The following IL24 variants were observed in gnomAD, a reference collection of about 807,000 sequenced individuals.
IL24 encodes the protein interleukin 24.
IL24 carries 24 observed loss-of-function variants against 27.6 expected under a neutral mutation model. The observed-to-expected ratio is 0.87, with a 90% CI of 0.63 to 1.22. IL24 has a LOEUF of 1.22. Among genes scored for constraint, IL24 ranks in the 50% most tolerant of loss-of-function variants. The pLI is 0.00. For missense variants in IL24, 240 were observed against 237.0 expected (o/e 1.01, Z -0.08); for synonymous variants, 99 against 93.1 (o/e 1.06, Z -0.36).
In IL24 at chr1:206,899,333, C is replaced by A. The variant is rs1408958690; in HGVS notation, c.58C>A (p.Pro20Thr). 4 of 1,614,006 alleles carry A rather than the reference C, an allele frequency of 2.5e-6. No individual in the cohort carries two copies. Among genetic ancestry groups the A allele is most frequent in the Non-Finnish European group, 3.4e-6 (4 of 1,179,960 alleles). The part of the protein sequence containing the change: ...LWTLARPFCP[P>T]LLATASQMQM... Reference sequence around the variant, plus strand: ...TTCTTTCAGCAGACCCTTCTGCCCTCCTTTGCTGGCGACAGCCTCTCAAAT... The same window carrying A: ...TTCTTTCAGCAGACCCTTCTGCCCTACTTTGCTGGCGACAGCCTCTCAAAT... The change falls in exon 3 of 7, where the codon CCT becomes ACT. Residue 20 changes from proline (P) to threonine (T), a missense_variant. Transcript: ENST00000294984.
rs1215415458 is a variant in IL24, at chr1:206,900,319, G to A, written c.265G>A (p.Ala89Thr). 6.2e-7 allele frequency: 1 copy of A among 1,613,692 alleles called. No individual in the cohort carries two copies. Among genetic ancestry groups the A allele is most frequent in the Admixed American group, 1.7e-5 (1 of 59,978 alleles). Residue 89 changes from alanine (A) to threonine (T), a missense_variant, in exon 4 of 7, where the codon GCC becomes ACC. Coordinates refer to ENST00000294984, the MANE Select transcript of IL24 (RefSeq NM_006850.3). ...TMQAQDNITS[A>T]RLLQQEVLQN... Reference sequence around the variant, plus strand: ...GCAAGCTCAGGATAACATCACGAGTGCCCGGCTGCTGCAGCAGGAGGTTCT... The same window carrying A: ...GCAAGCTCAGGATAACATCACGAGTACCCGGCTGCTGCAGCAGGAGGTTCT...
At chr1:206,902,590 G>A in intron 6 of IL24, 1 of 984,288 alleles carries the variant, frequency 1.0e-6, no homozygotes, top group Non-Finnish European at 1.2e-6. Context: ...AGGAAGAGAT[G>A]CATCAGCTTT....
chr1:206,899,358 T>G lies in IL24; in HGVS notation c.83T>G (p.Met28Arg). The G allele has an allele frequency of 6.2e-7, 1 of 1,614,192 alleles. No individual in the cohort carries two copies. Among genetic ancestry groups the G allele is most frequent in the South Asian group, 1.1e-5 (1 of 91,082 alleles). The stretch of plus-strand genomic sequence containing the variant: ...CCTTTGCTGGCGACAGCCTCTCAAA[T>G]GCAGATGGTTGTGCTCCCTTGCCTG... ...CPPLLATASQ[M>R]QMVVLPCLGF... Residue 28 changes from methionine to arginine, a missense_variant, in exon 3 of 7, where the codon ATG (methionine) becomes AGG (arginine). Transcript: ENST00000294984.
At chr1:206,899,076 C>A (rs291108) in intron 2 of IL24, among the ~76,000 whole-genome samples, 6,512 of 152,160 alleles carry the variant, frequency 0.043, 315 homozygotes, top group African/African-American at 0.11. Context: ...TGGGTGTGGA[C>A]GGGCAAGGTG....
intron 4 of IL24, among the ~76,000 whole-genome samples, chr1:206,901,000 C>T (rs371374541): frequency 8.1e-4 from 124 of 152,238 alleles, no homozygotes; most frequent in Non-Finnish European, 1.3e-3. Flanking sequence ...GCCCTGAGCC[C>T]TGAAAGATGT....
intron 6 of IL24, chr1:206,902,583 A>G: frequency 1.0e-6 from 1 of 984,406 alleles, no homozygotes; most frequent in South Asian, 4.7e-5. Context: ...TTTTTTGAGG[A>G]AGAGATGCAT....
In IL24 at chr1:206,901,548, G is replaced by A. The variant is rs747796116; in HGVS notation, c.358G>A (p.Val120Ile). 19 of 1,614,002 alleles carry A rather than the reference G, an allele frequency of 1.2e-5. No individual in the cohort carries two copies. The highest frequency in any genetic ancestry group is 1.4e-5 in the Non-Finnish European group (17 of 1,180,002). The part of the protein sequence containing the change: ...HTLLEFYLKT[V>I]FKNYHNRTVE... The stretch of plus-strand genomic sequence containing the variant: ...CCTGCTGGAGTTCTACTTGAAAACT[G>A]TTTTCAAAAACTACCACAATAGAAC... Residue 120 changes from valine to isoleucine, a missense_variant, in exon 5 of 7, where the codon GTT becomes ATT. Coordinates refer to ENST00000294984, the MANE Select transcript of IL24 (RefSeq NM_006850.3).
Position 206,903,114 on chromosome 1 carries a change from TCAAA to T in IL24, c.*58_*61del, listed in dbSNP as rs545120826. ...GCACTGGTTTGTTCCCTGTGTCATT[TCAAA>T]CAGTCTCCCTTCCTATGCTGTTCAC... On this transcript the variant is annotated 3_prime_UTR_variant, in exon 7 of 7. Transcript: ENST00000294984. 1.6e-3 allele frequency: 2,281 copies of T among 1,419,140 alleles called. 4 individuals are homozygous for T. Among genetic ancestry groups the T allele is most frequent in the Non-Finnish European group, 2.1e-3 (2,096 of 1,002,476 alleles). 87.9% of individuals were successfully genotyped at this position (1,419,140 alleles called of 1,614,324 possible).
rs751102642 is a variant in IL24 at position 206,901,979 on chromosome 1, C to G, written c.463-19C>G. 6.2e-7 allele frequency: 1 copy of G among 1,613,346 alleles called. No homozygotes were observed. On this transcript the variant is annotated intron_variant, in intron 5 of 6. Transcript: ENST00000294984. Reference sequence around the variant, plus strand: ...TCCTATCTAAAAATTGGCACAACTTCTTTTCCCATGTTATGTAGCAAGAAA... The same window carrying G: ...TCCTATCTAAAAATTGGCACAACTTGTTTTCCCATGTTATGTAGCAAGAAA...
At chr1:206,898,493 G>A (rs1678245228) in intron 2 of IL24, among the ~76,000 whole-genome samples, 2 of 152,082 alleles carry the variant, frequency 1.3e-5, no homozygotes, top group African/African-American at 4.8e-5. Flanking sequence ...AGGAGGGAGG[G>A]AGGGAGAGAG....
chr1:206,901,837 A>G (rs1203390809), intron 5 of IL24, among the ~76,000 whole-genome samples, 161 bp from the exon 6 acceptor site: 1 of 152,180 alleles, frequency 6.6e-6, no homozygotes, highest in Non-Finnish European at 1.5e-5. Context: ...AGCCCCTTTC[A>G]CAAGGTGGGA....
Position 206,903,282 on chromosome 1 carries a change from G to C in IL24, c.*223G>C. On this transcript the variant is annotated 3_prime_UTR_variant, in exon 7 of 7. Transcript: ENST00000294984. ...TGAAGAGTCTACAGAGAAGATTCTT[G>C]TATTTATTACAACTCTATTTAATTA... 1 of 490,184 alleles carries C rather than the reference G, an allele frequency of 2.0e-6. No individual in the cohort carries two copies. Among genetic ancestry groups the C allele is most frequent in the Admixed American group, 3.5e-5 (1 of 28,696 alleles). The allele number at this position is 490,184 out of a possible 1,614,324, so 30.4% of individuals were successfully genotyped here.
intron 6 of IL24, 175 bp from the exon 7 acceptor site, chr1:206,902,801 G>T: frequency 4.1e-6 from 4 of 985,396 alleles, no homozygotes; most frequent in Non-Finnish European, 4.8e-6. Context: ...CCCTGAAGCA[G>T]ATAAACACAT....
Position 206,901,856 on chromosome 1 carries a change from T to C in IL24, c.463-142T>C, listed in dbSNP as rs547924888. The C allele has an allele frequency of 2.7e-5, 24 of 896,670 alleles. No homozygotes were observed. In the African/African-American group the frequency reaches 3.8e-4, roughly 14 times the overall value. 55.5% of individuals were successfully genotyped at this position (896,670 alleles called of 1,614,324 possible). A position where few individuals can be genotyped will look rare whatever the true frequency, so the allele number is the denominator to read the frequency against. ...CCTTTCACAAGGTGGGAGTTTGGTA[T>C]TGGTTACCTTGGGGAATGCAGGATT... On this transcript the variant is annotated intron_variant, in intron 5 of 6. Coordinates refer to ENST00000294984, the MANE Select transcript of IL24 (RefSeq NM_006850.3).
chr1:206,898,026 T>G, intron 2 of IL24, 150 bp downstream of exon 2: 1 of 515,402 alleles, frequency 1.9e-6, no homozygotes, highest in East Asian at 3.6e-5. Context: ...GCATGTGTTT[T>G]TGATATTTTC....
At chr1:206,901,862 A>T in intron 5 of IL24, 136 bp from the exon 6 acceptor site, 1 of 933,220 alleles carries the variant, frequency 1.1e-6, no homozygotes, top group Non-Finnish European at 1.7e-6. Context: ...GGTATTGGTT[A>T]CCTTGGGGAA....
chr1:206,902,817 T>C, intron 6 of IL24, 159 bp from the exon 7 acceptor site: 1 of 985,408 alleles, frequency 1.0e-6, no homozygotes, highest in Non-Finnish European at 1.2e-6. Flanking sequence ...CACATGTAGA[T>C]GGAGGAAAAG....
At chr1:206,901,878 G>T in intron 5 of IL24, 120 bp from the exon 6 acceptor site, 2 of 1,044,554 alleles carry the variant, frequency 1.9e-6, no homozygotes, top group Non-Finnish European at 2.9e-6. Flanking sequence ...GGGAATGCAG[G>T]ATTCAGCCCT....
chr1:206,898,340 G>T (rs1678240166), intron 2 of IL24, among the ~76,000 whole-genome samples: 2 of 152,060 alleles, frequency 1.3e-5, no homozygotes, highest in Non-Finnish European at 2.9e-5. Flanking sequence ...CCCGGTGTAG[G>T]GGTGGGAGGC....
Sources: allele counts gnomAD v4.1 joint callset (sites outside exome capture counted in the v4.1 genomes callset), GRCh38; gene constraint gnomAD v4.1.1; transcripts MANE v1.5; gene names NCBI Gene and HGNC (gene_info 2026-07-23, HGNC 2026-07-21).